Variants in ZNF385D observed in about 807,000 individuals in gnomAD.
ZNF385D encodes zinc finger protein 659.
ZNF385D carries 15 observed loss-of-function variants against 35.8 expected under a neutral mutation model. The ratio of observed to expected loss-of-function variants is 0.42; its 90% CI spans 0.28 to 0.64. ZNF385D has a LOEUF of 0.64. ZNF385D is among the 30% of genes least tolerant of loss of function. The probability of loss-of-function intolerance (pLI) is 0.23; values close to 1 mark genes in which losing one functional copy is unlikely to be tolerated. For missense variants in ZNF385D, 474 were observed against 494.6 expected, an observed-to-expected ratio of 0.96 and a Z score of 0.39; for synonymous variants, 212 against 186.8, an observed-to-expected ratio of 1.13 and a Z score of -1.10.
chr3:21,645,049 T>G (rs1387823), intron 2 of ZNF385D, among the ~76,000 whole-genome samples: 119,794 of 152,108 alleles, frequency 0.79, 47,555 homozygotes, highest in African/African-American at 0.86. Flanking sequence ...ATAATAAGTG[T>G]GCAATGAGAG....
chr3:22,178,302 T>C (rs966151576), intron 2 of ZNF385D, among the ~76,000 whole-genome samples: 2 of 152,212 alleles, frequency 1.3e-5, no homozygotes, highest in African/African-American at 4.8e-5. Flanking sequence ...TGGCATCTCA[T>C]TGTGGTTTTG....
At chr3:22,078,068 T>G (rs548607932) in intron 3 of ZNF385D, among the ~76,000 whole-genome samples, 1 of 152,014 alleles carries the variant, frequency 6.6e-6, no homozygotes, top group Non-Finnish European at 1.5e-5. Flanking sequence ...TGCCTGAAAT[T>G]TGTGAGTACC....
In ZNF385D at chr3:21,915,066, A is replaced by C. The variant is rs1484018044; in HGVS notation, c.326-250038T>G. Among the ~76,000 whole-genome samples the C allele has an allele frequency of 1.7e-4, 4 of 23,982 alleles. No homozygotes were observed. In the Non-Finnish European group the frequency reaches 2.2e-3, roughly 13 times the overall value. 15.7% of individuals were successfully genotyped at this position (23,982 alleles called of 152,430 possible). A position where few individuals can be genotyped will look rare whatever the true frequency, so the allele number is the denominator to read the frequency against. ...AAAATTATTTTAAGAATGAGTAGAA[A>C]TAGAAAAAAAAAAGAGTTGGATTTT... On this transcript the variant is annotated intron_variant, in intron 3 of 5. Coordinates refer to the ZNF385D transcript ENST00000494108.
At chr3:21,976,982 C>T (rs1315543243) in intron 3 of ZNF385D, among the ~76,000 whole-genome samples, 3 of 151,086 alleles carry the variant, frequency 2.0e-5, no homozygotes, top group African/African-American at 4.9e-5. Context: ...AGCAAGACTC[C>T]ATCTCAGGAA....
At chr3:22,179,472 T>A (rs1341845751) in intron 2 of ZNF385D, among the ~76,000 whole-genome samples, 1 of 152,278 alleles carries the variant, frequency 6.6e-6, no homozygotes, top group Non-Finnish European at 1.5e-5. Context: ...CTTATCGGCT[T>A]AAGGAGATTT....
chr3:22,260,544 G>C (rs1700575019), intron 2 of ZNF385D, among the ~76,000 whole-genome samples: 1 of 151,828 alleles, frequency 6.6e-6, no homozygotes, highest in Non-Finnish European at 1.5e-5. Context: ...AATTGATTTT[G>C]ATAGGTTGTA....
At chr3:21,932,072 C>T (rs1701036323) in intron 3 of ZNF385D, among the ~76,000 whole-genome samples, 1 of 144,770 alleles carries the variant, frequency 6.9e-6, no homozygotes, top group Admixed American at 7.3e-5. Context: ...GAGGCTGAGG[C>T]AGGAGAATGG....
chr3:21,689,395 G>A (rs994329963), intron 1 of ZNF385D, among the ~76,000 whole-genome samples: 1 of 151,996 alleles, frequency 6.6e-6, no homozygotes, highest in African/African-American at 2.4e-5. Context: ...GGCTCAAAAC[G>A]ACCCACTTCC....
At chr3:21,733,569 T>A (rs947024481) in intron 1 of ZNF385D, among the ~76,000 whole-genome samples, 1 of 152,218 alleles carries the variant, frequency 6.6e-6, no homozygotes, top group African/African-American at 2.4e-5. Context: ...TTATGAATTA[T>A]TTTTCCAAGC....
At chr3:21,857,906 A>T (rs1696818869) in intron 3 of ZNF385D, among the ~76,000 whole-genome samples, 2 of 151,946 alleles carry the variant, frequency 1.3e-5, no homozygotes, top group African/African-American at 4.8e-5. Context: ...GAACAAATGC[A>T]AGGCAGTGTC....
At chr3:22,161,478 C>T (rs1705944614) in intron 3 of ZNF385D, among the ~76,000 whole-genome samples, 1 of 151,996 alleles carries the variant, frequency 6.6e-6, no homozygotes, top group South Asian at 2.1e-4. Context: ...AAAAGAGGAA[C>T]TTAGTCATGC....
At chr3:22,356,999 A>C (rs543448790) in intron 2 of ZNF385D, among the ~76,000 whole-genome samples, 46 of 152,026 alleles carry the variant, frequency 3.0e-4, no homozygotes, top group Admixed American at 2.0e-3. Context: ...AGTTATAATA[A>C]AACCTACATT....
In ZNF385D at chr3:22,193,939, GGTA is replaced by G. The variant is rs529305998; in HGVS notation, c.107-24907_107-24905del. ...TTTTATTGAACTATTATCAGCATTA[GGTA>G]GTGCATTTTTTCCTTAATTTTGCTA... On this transcript the variant is annotated intron_variant, in intron 2 of 5. Transcript: ENST00000494108. Among the ~76,000 whole-genome samples the G allele has an allele frequency of 1.3e-4, 20 of 152,032 alleles. No individual in the cohort carries two copies. The South Asian group carries it at 4.1e-3, about 31-fold the overall frequency.
chr3:21,528,296 T>TG (rs1171472511), intron 3 of ZNF385D, among the ~76,000 whole-genome samples: 1 of 152,130 alleles, frequency 6.6e-6, no homozygotes, highest in Admixed American at 6.5e-5. Context: ...AGCTAGTTCG[T>TG]GGGGTGCAAT....
At chr3:21,719,366 G>A (rs1025209103) in intron 1 of ZNF385D, among the ~76,000 whole-genome samples, 7 of 152,232 alleles carry the variant, frequency 4.6e-5, no homozygotes, top group Admixed American at 6.5e-5. Context: ...AACTGACCGT[G>A]TTCTCTGGAT....
intron 3 of ZNF385D, among the ~76,000 whole-genome samples, chr3:22,068,591 C>T (rs1700081448): frequency 6.6e-6 from 1 of 152,206 alleles, no homozygotes; most frequent in Non-Finnish European, 1.5e-5. Flanking sequence ...ACAGGTTCAA[C>T]ATGATCCATC....
intron 3 of ZNF385D, among the ~76,000 whole-genome samples, chr3:21,784,069 A>G (rs988014791): frequency 3.3e-5 from 5 of 152,116 alleles, no homozygotes; most frequent in Admixed American, 3.3e-4. Flanking sequence ...AGGTTCTCTC[A>G]CACACGTGCT....
intron 3 of ZNF385D, among the ~76,000 whole-genome samples, chr3:22,163,856 G>C (rs1706129236): frequency 6.6e-6 from 1 of 152,098 alleles, no homozygotes; most frequent in African/African-American, 2.4e-5. Context: ...TTAAGGAGAA[G>C]AATGAAAGAA....
At chr3:21,910,724 C>A (rs561841983) in intron 3 of ZNF385D, among the ~76,000 whole-genome samples, 2 of 150,790 alleles carry the variant, frequency 1.3e-5, no homozygotes, top group African/African-American at 4.9e-5. Flanking sequence ...GGCCAGGGGA[C>A]GGGGGGCAGA....
Sources: gnomAD v4.1 joint callset for allele counts (sites outside exome capture counted in the v4.1 genomes callset) on GRCh38, gnomAD v4.1.1 for gene constraint, MANE v1.5 for transcripts, NCBI Gene and HGNC (gene_info 2026-07-23, HGNC 2026-07-21) for gene names.